The following BLOC1S3 variants were observed in gnomAD, a reference collection of about 807,000 sequenced individuals.
BLOC1S3 encodes the protein biogenesis of lysosomal organelles complex 1 subunit 3.
A neutral mutation model predicts 9.1 loss-of-function variants in BLOC1S3; 7 were observed. That is an observed-to-expected ratio of 0.77 (90% CI 0.44 to 1.45). The LOEUF is 1.45. BLOC1S3 is among the 40% of genes most tolerant of loss of function. The probability of loss-of-function intolerance (pLI) is 0.01; values close to 1 mark genes in which losing one functional copy is unlikely to be tolerated. For missense variants in BLOC1S3, 307 were observed against 315.2 expected (o/e 0.97, Z 0.20); for synonymous variants, 145 against 158.4 (o/e 0.92, Z 0.64).
At chr19:45,201,271 C>T (rs943763950) in intron 2 of BLOC1S3, among the ~76,000 whole-genome samples, 1 of 152,006 alleles carries the variant, frequency 6.6e-6, no homozygotes, top group African/African-American at 2.4e-5. Context: ...AGGAGAATTC[C>T]CTAAATTACC....
At chr19:45,204,930 C>A (rs1184065934) in intron 3 of BLOC1S3, among the ~76,000 whole-genome samples, 1 of 151,920 alleles carries the variant, frequency 6.6e-6, no homozygotes, top group East Asian at 1.9e-4. Context: ...GACAGGGTTT[C>A]TCCATGTTTG....
rs763378590 is a variant in BLOC1S3 at position 45,179,337 on chromosome 19, C to T, written c.41C>T (p.Pro14Leu). 8.2e-6 allele frequency: 13 copies of T among 1,586,268 alleles called. No individual in the cohort carries two copies. In the South Asian group the frequency reaches 9.0e-5, roughly 11 times the overall value. Residue 14 changes from proline (P) to leucine (L), a missense_variant, in exon 2 of 2, where the codon CCG becomes CTG. Transcript: ENST00000433642. The surrounding 1 kb of genome is among the most constrained non-coding windows in gnomAD (Gnocchi z 4.6). ...CGTCGGCGGAGGCCCCTGCGGAGGCCGGAGACGGTGGTGCCGGGGGAGGCG... is the reference window on the plus strand; with the variant it reads ...CGTCGGCGGAGGCCCCTGCGGAGGCTGGAGACGGTGGTGCCGGGGGAGGCG... ...QGRRRRPLRR[P>L]ETVVPGEATE...
At chr19:45,189,454 C>T (rs181054408) in intron 2 of BLOC1S3, among the ~76,000 whole-genome samples, 2 of 146,782 alleles carry the variant, frequency 1.4e-5, no homozygotes, top group African/African-American at 2.5e-5. Flanking sequence ...TTTTTTGAGA[C>T]GGAGTTTCGC....
Position 45,179,582 on chromosome 19 carries a change from A to ACGGAGGAGGCCCCGGCGCC in BLOC1S3, c.289_307dup (p.Ala103GlyfsTer48). Reference sequence around the variant, plus strand: ...GGAATCGGCGGAGGAGGCCTGGGGCACGGAGGAGGCCCCGGCGCCCGCCCC... The same window carrying ACGGAGGAGGCCCCGGCGCC: ...GGAATCGGCGGAGGAGGCCTGGGGCACGGAGGAGGCCCCGGCGCCCGGAGGAGGCCCCGGCGCCCGCCCC... On this transcript the variant is annotated frameshift_variant, in exon 2 of 2. Coordinates refer to ENST00000433642, the MANE Select transcript of BLOC1S3 (RefSeq NM_212550.5). LOFTEE classifies it high-confidence loss of function. The surrounding 1 kb of genome is among the most constrained non-coding windows in gnomAD (Gnocchi z 4.6). 1 of 1,497,114 alleles carries ACGGAGGAGGCCCCGGCGCC rather than the reference A, an allele frequency of 6.7e-7. No homozygotes were observed. The highest frequency in any genetic ancestry group is 2.1e-5 in the Admixed American group (1 of 46,910). 92.7% of individuals were successfully genotyped at this position (1,497,114 alleles called of 1,614,324 possible).
upstream of BLOC1S3, chr19:45,187,289 A>G (rs1452218113): frequency 6.6e-6 from 1 of 152,208 alleles, no homozygotes; most frequent in African/African-American, 2.4e-5. Flanking sequence ...ATTGGGGGCG[A>G]CCTCGGTTAA....
At chr19:45,194,672 G>A (rs1369869801) in intron 2 of BLOC1S3, among the ~76,000 whole-genome samples, 1 of 152,110 alleles carries the variant, frequency 6.6e-6, no homozygotes, top group Non-Finnish European at 1.5e-5. Context: ...CAACATGAAT[G>A]TATCTCACAA....
At chr19:45,203,367 G>A (rs1236757007) in intron 3 of BLOC1S3, among the ~76,000 whole-genome samples, 2 of 152,086 alleles carry the variant, frequency 1.3e-5, no homozygotes, top group African/African-American at 4.8e-5. Context: ...TCTGCCTCTT[G>A]GGTTCAAGCG....
At chr19:45,214,425 G>A (rs759023098) in intron 3 of BLOC1S3, among the ~76,000 whole-genome samples, 1 of 152,126 alleles carries the variant, frequency 6.6e-6, no homozygotes, top group Non-Finnish European at 1.5e-5. Flanking sequence ...TGGTGGTGTG[G>A]TGTGCTGATC....
At chr19:45,207,645 G>A (rs1035022836) in intron 3 of BLOC1S3, among the ~76,000 whole-genome samples, 1 of 149,130 alleles carries the variant, frequency 6.7e-6, no homozygotes, top group Non-Finnish European at 1.5e-5. Flanking sequence ...GCTGAGTCAC[G>A]AGAATTGCTT....
intron 3 of BLOC1S3, among the ~76,000 whole-genome samples, chr19:45,215,563 A>G (rs1969823663): frequency 6.6e-6 from 1 of 152,148 alleles, no homozygotes; most frequent in South Asian, 2.1e-4. Flanking sequence ...TACTATAGTC[A>G]TGGATGATGA....
chr19:45,195,872 G>A (rs528008821), intron 2 of BLOC1S3, among the ~76,000 whole-genome samples: 1 of 152,180 alleles, frequency 6.6e-6, no homozygotes, highest in African/African-American at 2.4e-5. Flanking sequence ...TGGGATTACG[G>A]GCGTGAGCCA....
At chr19:45,199,112 G>A (rs1484621024) in intron 2 of BLOC1S3, 1 of 151,926 alleles carries the variant, frequency 6.6e-6, no homozygotes, top group Non-Finnish European at 1.5e-5. Context: ...GGTAGTCTTT[G>A]GGTTAAATCT....
intron 3 of BLOC1S3, chr19:45,216,094 A>G: frequency 6.2e-7 from 1 of 1,613,848 alleles, no homozygotes; most frequent in Middle Eastern, 1.6e-4. Flanking sequence ...GTAGTCGCGC[A>G]CCAACACTCC....
At chr19:45,201,074 G>A (rs971178626) in intron 2 of BLOC1S3, among the ~76,000 whole-genome samples, 3 of 152,144 alleles carry the variant, frequency 2.0e-5, no homozygotes, top group African/African-American at 7.2e-5. Context: ...GTAGGGGTGG[G>A]CGCCTGTAGT....
downstream of BLOC1S3, among the ~76,000 whole-genome samples, chr19:45,182,440 G>A (rs1267035983): frequency 2.0e-5 from 3 of 150,908 alleles, no homozygotes; most frequent in Middle Eastern, 3.3e-3. Context: ...GATCGAGGTA[G>A]GCAGATCACC....
In BLOC1S3 at chr19:45,216,180, C is replaced by T. The variant is rs1482757962; in HGVS notation, n.283-496C>T. ...AATGGGGCACCACGGCATCCAGCCA[C>T]GAGGCCTGGGACTCCTGCAGGGGAG... On this transcript the variant is annotated intron_variant and non_coding_transcript_variant, in intron 3 of 3. Coordinates refer to the BLOC1S3 transcript ENST00000591569. 13 of 1,613,734 alleles carry T rather than the reference C, an allele frequency of 8.1e-6. No homozygotes were observed. The highest frequency in any genetic ancestry group is 4.4e-5 in the South Asian group (4 of 91,086).
chr19:45,180,486 G>A lies in BLOC1S3; in HGVS notation c.*581G>A, dbSNP rs1969505282. On this transcript the variant is annotated 3_prime_UTR_variant, in exon 2 of 2. Transcript: ENST00000433642. ...TTGCCCAGGCTTGTCTCAAACTCCC[G>A]GGCTCAAGCAATCCTCCCACTGTGG... 2 of 156,050 alleles carry A rather than the reference G, an allele frequency of 1.3e-5. No individual in the cohort carries two copies. The highest frequency in any genetic ancestry group is 2.4e-5 in the African/African-American group (1 of 41,312). 9.7% of individuals were successfully genotyped at this position (156,050 alleles called of 1,614,324 possible).
rs1331977552 is a variant in BLOC1S3, at chr19:45,179,723, G to C, written c.427G>C (p.Ala143Pro). ...RRAGRDVAAL[A>P]SRLAAAQAAG... ...TGCAGGCCGCGACGTGGCCGCCCTG[G>C]CTAGTAGGCTGGCGGCAGCCCAGGC... The change falls in exon 2 of 2, where the codon GCT becomes CCT. Residue 143 changes from alanine to proline, a missense_variant. By Grantham distance (27) the Ala-to-Pro change is conservative. Coordinates refer to ENST00000433642, the MANE Select transcript of BLOC1S3 (RefSeq NM_212550.5). The surrounding 1 kb of genome is among the most constrained non-coding windows in gnomAD (Gnocchi z 4.6). 1 of 1,463,134 alleles carries C rather than the reference G, an allele frequency of 6.8e-7. No homozygotes were observed. The highest frequency in any genetic ancestry group is 1.3e-5 in the South Asian group (1 of 74,934). The allele number at this position is 1,463,134 out of a possible 1,614,324, so 90.6% of individuals were successfully genotyped here.
chr19:45,189,204 G>T (rs1969586913), intron 2 of BLOC1S3, among the ~76,000 whole-genome samples: 2 of 151,834 alleles, frequency 1.3e-5, no homozygotes, highest in Non-Finnish European at 1.5e-5. Flanking sequence ...ATTTTTAATA[G>T]AGATAAGGTT....
Sources: gnomAD v4.1 joint callset for allele counts (sites outside exome capture counted in the v4.1 genomes callset) on GRCh38, gnomAD v4.1.1 for gene constraint, Gnocchi (gnomAD v3.1) non-coding constraint, MANE v1.5 for transcripts, NCBI Gene and HGNC (gene_info 2026-07-23, HGNC 2026-07-21) for gene names.